Variants in KCNIP1 observed in about 807,000 individuals in gnomAD.
KCNIP1 encodes the protein A-type potassium channel modulatory protein KCNIP1.
In KCNIP1, 18 loss-of-function variants were observed where a neutral mutation model predicts 33.0. The ratio of observed to expected loss-of-function variants is 0.55; its 90% CI spans 0.38 to 0.81. KCNIP1 has a LOEUF of 0.81. Among genes scored for constraint, KCNIP1 ranks in the 30% least tolerant of loss-of-function variants. The pLI, the probability that KCNIP1 is intolerant of heterozygous loss-of-function variation, is 0.00. For missense variants in KCNIP1, 238 were observed against 271.6 expected, an observed-to-expected ratio of 0.88 and a Z score of 0.87; for synonymous variants, 93 against 98.3, an observed-to-expected ratio of 0.95 and a Z score of 0.32.
At chr5:170,718,955 G>A (rs1763725544) in intron 2 of KCNIP1, 73 bp downstream of exon 2, 2 of 1,557,392 alleles carry the variant, frequency 1.3e-6, no homozygotes, top group Non-Finnish European at 1.7e-6. Context: ...AATGCCAAGG[G>A]AGCTCATAAG....
rs991938736 is a variant in KCNIP1, at chr5:170,430,929, C to A, written c.88+76965C>A. Among the ~76,000 whole-genome samples, 3 of 152,236 alleles carry A rather than the reference C, an allele frequency of 2.0e-5. No individual in the cohort carries two copies. The South Asian group carries it at 6.2e-4, about 31-fold the overall frequency. ...GATCCCAGAATTTGCTCACTGTCCACGACTTCCTGTCATGGCTGGGAACAT... is the reference window on the plus strand; with the variant it reads ...GATCCCAGAATTTGCTCACTGTCCAAGACTTCCTGTCATGGCTGGGAACAT... On this transcript the variant is annotated intron_variant, in intron 1 of 7. Coordinates refer to the KCNIP1 transcript ENST00000377360.
chr5:170,569,584 AAG>A (rs556922260), intron 1 of KCNIP1, among the ~76,000 whole-genome samples: 52 of 152,196 alleles, frequency 3.4e-4, no homozygotes, highest in South Asian at 1.2e-3. Flanking sequence ...CAGGTGGAAA[AAG>A]AGGTAGAACA....
intron 1 of KCNIP1, among the ~76,000 whole-genome samples, chr5:170,668,800 C>A (rs1761808871): frequency 6.6e-6 from 1 of 152,168 alleles, no homozygotes. Flanking sequence ...GAGGTGGTTC[C>A]CAGGTGCAGG....
At chr5:170,612,334 T>C (rs2113619108) in intron 1 of KCNIP1, among the ~76,000 whole-genome samples, 1 of 152,350 alleles carries the variant, frequency 6.6e-6, no homozygotes, top group African/African-American at 2.4e-5. Flanking sequence ...TAGCAAGCTC[T>C]CAGCAGGCCC....
chr5:170,381,194 T>C (rs559899165), intron 1 of KCNIP1, among the ~76,000 whole-genome samples: 2 of 152,290 alleles, frequency 1.3e-5, no homozygotes, highest in East Asian at 3.9e-4. Flanking sequence ...GAATTCACTC[T>C]TCATGGCCAA....
intron 1 of KCNIP1, among the ~76,000 whole-genome samples, chr5:170,497,161 A>G (rs751506811): frequency 6.6e-6 from 1 of 152,174 alleles, no homozygotes; most frequent in Non-Finnish European, 1.5e-5. Context: ...ATGCCCTCAC[A>G]AAGTTGTGAG....
At chr5:170,711,952 AG>A (rs1276080768) in intron 1 of KCNIP1, among the ~76,000 whole-genome samples, 2 of 152,172 alleles carry the variant, frequency 1.3e-5, no homozygotes, top group Non-Finnish European at 2.9e-5. Context: ...TACACACTCA[AG>A]ATGGTGGCTG....
In KCNIP1 at chr5:170,586,195, T is replaced by C. The variant is rs770555412; in HGVS notation, c.61+81562T>C. On this transcript the variant is annotated intron_variant, in intron 1 of 7. Transcript: ENST00000328939. ...TATACAGCAGGTGTTCAATAAACGA[T>C]GGCTATTATGATCATCGATTGCTCT... is the stretch of plus-strand genomic sequence containing the variant. 1.9e-3 allele frequency among the ~76,000 whole-genome samples: 290 copies of C among 152,352 alleles called. 1 individual carries two copies. Among genetic ancestry groups the C allele is most frequent in the Non-Finnish European group, 3.2e-3 (218 of 68,028 alleles).
intron 1 of KCNIP1, among the ~76,000 whole-genome samples, chr5:170,591,264 C>A (rs909704136): frequency 2.6e-5 from 4 of 152,174 alleles, no homozygotes; most frequent in Non-Finnish European, 5.9e-5. Context: ...ACTGCCTGAC[C>A]GTGTGTCCTT....
chr5:170,390,517 A>AAAAAAAATATAT, intron 1 of KCNIP1, among the ~76,000 whole-genome samples: 7 of 74,550 alleles, frequency 9.4e-5, no homozygotes, highest in Admixed American at 1.5e-4. Flanking sequence ...AAAAAAAACA[A>AAAAAAAATATAT]ATATATATAT....
intron 1 of KCNIP1, among the ~76,000 whole-genome samples, chr5:170,367,429 A>AGGAAAGAAAGAAAG: frequency 6.9e-6 from 1 of 145,374 alleles, no homozygotes; most frequent in Non-Finnish European, 1.5e-5. Context: ...AAGGAAAGAA[A>AGGAAAGAAAGAAAG]GAAAGAAAGG....
chr5:170,612,090 G>C (rs1759182723), intron 1 of KCNIP1, among the ~76,000 whole-genome samples: 1 of 152,170 alleles, frequency 6.6e-6, no homozygotes, highest in Admixed American at 6.5e-5. Flanking sequence ...ATATGTGCCA[G>C]ACACATCATG....
Position 170,641,668 on chromosome 5 carries a change from C to T in KCNIP1, c.62-77090C>T, listed in dbSNP as rs534002194. 2.4e-4 allele frequency among the ~76,000 whole-genome samples: 37 copies of T among 152,288 alleles called. 1 individual carries two copies. In the South Asian group the frequency reaches 6.8e-3, roughly 28 times the overall value. On this transcript the variant is annotated intron_variant, in intron 1 of 7. Transcript: ENST00000328939. ...TTGGTTGGGGGAGGCAAAGGGGTGG[C>T]GGCTTCCAGGTACCATCTGGCCAGG...
chr5:170,419,516 C>CTGCTTCAA (rs1335531054), intron 1 of KCNIP1, among the ~76,000 whole-genome samples: 5 of 152,046 alleles, frequency 3.3e-5, no homozygotes, highest in African/African-American at 1.2e-4. Flanking sequence ...GCTGAGTTTT[C>CTGCTTCAA]TGCTTCAACC....
intron 1 of KCNIP1, among the ~76,000 whole-genome samples, chr5:170,570,116 C>T (rs28736799): frequency 0.023 from 3,510 of 152,246 alleles, 142 homozygotes; most frequent in African/African-American, 0.08. Flanking sequence ...CTTCAGCTCT[C>T]CCAGTAACTG....
intron 1 of KCNIP1, among the ~76,000 whole-genome samples, chr5:170,488,041 G>A (rs1031194805): frequency 6.6e-6 from 1 of 152,100 alleles, no homozygotes; most frequent in Non-Finnish European, 1.5e-5. Context: ...ACCTCAAACT[G>A]AGTCAATCAC....
intron 1 of KCNIP1, among the ~76,000 whole-genome samples, chr5:170,645,465 T>C (rs983595539): frequency 1.3e-5 from 2 of 152,098 alleles, no homozygotes; most frequent in African/African-American, 4.8e-5. Context: ...AGGGTCAACA[T>C]ACAGAAGACA....
chr5:170,694,745 A>G (rs1762835496), intron 1 of KCNIP1, among the ~76,000 whole-genome samples: 1 of 152,200 alleles, frequency 6.6e-6, no homozygotes, highest in Non-Finnish European at 1.5e-5. Flanking sequence ...GCATGCCTGA[A>G]AGCGTCACAC....
rs2113053867 is a variant in KCNIP1 at position 170,446,024 on chromosome 5, G to C, written c.88+92060G>C. 2.6e-5 allele frequency among the ~76,000 whole-genome samples: 4 copies of C among 152,282 alleles called. No homozygotes were observed. The South Asian group carries it at 8.3e-4, about 32-fold the overall frequency. On this transcript the variant is annotated intron_variant, in intron 1 of 7. Coordinates refer to the KCNIP1 transcript ENST00000377360. ...CTTCATAAGCATGCAGCCTGACCTG[G>C]AGAAACTGACAGTGTAAAATGCATG...
Sources: gnomAD v4.1 joint callset for allele counts (sites outside exome capture counted in the v4.1 genomes callset) on GRCh38, gnomAD v4.1.1 for gene constraint, MANE v1.5 for transcripts, NCBI Gene and HGNC (gene_info 2026-07-23, HGNC 2026-07-21) for gene names.